Variants in UBE2E2 observed in about 807,000 individuals in gnomAD.
UBE2E2 encodes the protein ubiquitin conjugating enzyme E2 E2.
UBE2E2 carries 6 observed loss-of-function variants against 24.7 expected under a neutral mutation model. The ratio of observed to expected loss-of-function variants is 0.24; its 90% CI spans 0.13 to 0.48. The LOEUF (loss-of-function observed/expected upper bound fraction) is 0.48. Among genes scored for constraint, UBE2E2 ranks in the 20% least tolerant of loss-of-function variants. UBE2E2 has a pLI of 0.99. For missense variants in UBE2E2, 169 were observed against 245.0 expected (o/e 0.69, Z 2.07); for synonymous variants, 104 against 83.6 (o/e 1.24, Z -1.33).
intron 3 of UBE2E2, among the ~76,000 whole-genome samples, chr3:23,443,269 T>G (rs1698346245): frequency 6.6e-6 from 1 of 152,160 alleles, no homozygotes; most frequent in South Asian, 2.1e-4. Context: ...CTGTCTTAGC[T>G]CAGCTTCCCC....
intron 3 of UBE2E2, among the ~76,000 whole-genome samples, chr3:23,232,835 A>G (rs1363313519): frequency 6.6e-6 from 1 of 152,226 alleles, no homozygotes; most frequent in African/African-American, 2.4e-5. Flanking sequence ...TGTATAGGCA[A>G]AGGCACTATT....
intron 3 of UBE2E2, among the ~76,000 whole-genome samples, chr3:23,319,256 A>T (rs1336485818): frequency 2.6e-5 from 4 of 152,190 alleles, no homozygotes; most frequent in Non-Finnish European, 5.9e-5. Flanking sequence ...TTATTAATTT[A>T]TTCATTACTC....
intron 3 of UBE2E2, among the ~76,000 whole-genome samples, chr3:23,292,283 A>C (rs1397976864): frequency 6.6e-6 from 1 of 152,098 alleles, no homozygotes; most frequent in Non-Finnish European, 1.5e-5. Flanking sequence ...AGCTTAAGGG[A>C]CAACTCTATA....
intron 1 of UBE2E2, among the ~76,000 whole-genome samples, chr3:23,204,079 TCTC>T (rs1696055687): frequency 2.0e-5 from 3 of 152,040 alleles, no homozygotes; most frequent in Admixed American, 6.5e-5. Context: ...TCTGGTCTCT[TCTC>T]TGCAGCCCCC....
rs1474550052 is a variant in UBE2E2 at position 23,554,856 on chromosome 3, T to TA, written c.508+22162dup. Among the ~76,000 whole-genome samples, 4 of 151,434 alleles carry TA rather than the reference T, an allele frequency of 2.6e-5. No homozygotes were observed. The East Asian group carries it at 7.7e-4, about 29-fold the overall frequency. ...GGGGTTAATACCCAAAATTTATTTT[T>TA]AAAAAAACTCATACAGTTCAGTAGC... On this transcript the variant is annotated intron_variant, in intron 5 of 5. Coordinates refer to ENST00000396703, the MANE Select transcript of UBE2E2 (RefSeq NM_152653.4).
intron 3 of UBE2E2, among the ~76,000 whole-genome samples, chr3:23,219,435 T>C (rs1480431661): frequency 1.3e-5 from 2 of 152,216 alleles, no homozygotes; most frequent in Non-Finnish European, 2.9e-5. Context: ...CCCATCTGTA[T>C]TTCGGTGAAA....
intron 3 of UBE2E2, among the ~76,000 whole-genome samples, chr3:23,321,452 G>A (rs542378740): frequency 2.6e-5 from 4 of 151,964 alleles, no homozygotes; most frequent in African/African-American, 9.7e-5. Context: ...TTGCCTGGCT[G>A]CCGCTACTAC....
At chr3:23,389,525 G>A (rs1275520757) in intron 3 of UBE2E2, 2 of 178,800 alleles carry the variant, frequency 1.1e-5, no homozygotes, top group Non-Finnish European at 2.4e-5. Flanking sequence ...TTTCTCCAAA[G>A]TTCTCCGAAG....
chr3:23,312,415 A>C (rs1293569329), intron 3 of UBE2E2, among the ~76,000 whole-genome samples: 4 of 151,916 alleles, frequency 2.6e-5, no homozygotes, highest in African/African-American at 9.7e-5. Flanking sequence ...TCCTTCAGTT[A>C]TTTTTACATG....
intron 3 of UBE2E2, among the ~76,000 whole-genome samples, chr3:23,304,371 C>T (rs57131555): frequency 0.13 from 20,111 of 151,914 alleles, 1,394 homozygotes; most frequent in South Asian, 0.23. Context: ...TTAAAAATTA[C>T]TGGATTATAT....
At chr3:23,344,101 CTTTGA>C (rs1283792433) in intron 3 of UBE2E2, among the ~76,000 whole-genome samples, 2 of 152,048 alleles carry the variant, frequency 1.3e-5, no homozygotes, top group South Asian at 2.1e-4. Context: ...AAATTAGCTA[CTTTGA>C]TTTGATTTTT....
intron 4 of UBE2E2, among the ~76,000 whole-genome samples, chr3:23,503,529 T>G (rs1034870968): frequency 6.6e-6 from 1 of 152,038 alleles, no homozygotes; most frequent in Admixed American, 6.6e-5. Context: ...AGCTTTTAGA[T>G]TCATAGATAA....
intron 3 of UBE2E2, among the ~76,000 whole-genome samples, chr3:23,473,388 T>C (rs930567279): frequency 6.6e-6 from 1 of 152,108 alleles, no homozygotes; most frequent in Non-Finnish European, 1.5e-5. Context: ...CCAATCTACC[T>C]TTAATTTTTG....
rs1453236696 is a variant in UBE2E2 at position 23,332,674 on chromosome 3, G to GGGTGT, written c.227+115363_227+115364insGTGTG. 3.7e-5 allele frequency among the ~76,000 whole-genome samples: 4 copies of GGGTGT among 108,128 alleles called. No homozygotes were observed. In the South Asian group the frequency reaches 8.3e-4, roughly 23 times the overall value. 70.9% of individuals were successfully genotyped at this position (108,128 alleles called of 152,430 possible). ...CTTTGAGCTTCCTGGCAGCCAGTGGGGTGTGTGTGTGTGTGTGTGTGTGTG... is the reference window on the plus strand; with the variant it reads ...CTTTGAGCTTCCTGGCAGCCAGTGGGGGTGTGTGTGTGTGTGTGTGTGTGTGTGTG... On this transcript the variant is annotated intron_variant, in intron 3 of 5. Coordinates refer to ENST00000396703, the MANE Select transcript of UBE2E2 (RefSeq NM_152653.4).
chr3:23,474,794 T>C lies in UBE2E2; in HGVS notation c.228-24814T>C, dbSNP rs1699093518. Among the ~76,000 whole-genome samples the C allele has an allele frequency of 6.6e-6, 1 of 152,100 alleles. No individual in the cohort carries two copies. Among genetic ancestry groups the C allele is most frequent in the Admixed American group, 6.5e-5 (1 of 15,280 alleles). ...GGTGTCAGTGCTTCTGTCTGTGGTT[T>C]AATCCTCCTTCCTGTTTGGACATTT... is the stretch of plus-strand genomic sequence containing the variant. On this transcript the variant is annotated intron_variant, in intron 3 of 5. Transcript: ENST00000396703. The surrounding 1 kb of genome is among the most constrained non-coding windows in gnomAD (Gnocchi z 4.0).
chr3:23,353,583 A>G (rs1695832256), intron 3 of UBE2E2, among the ~76,000 whole-genome samples: 1 of 152,234 alleles, frequency 6.6e-6, no homozygotes, highest in Non-Finnish European at 1.5e-5. Context: ...GCATTCTTAT[A>G]CACCAATAGC....
At chr3:23,574,981 C>T (rs1422195863) in intron 5 of UBE2E2, among the ~76,000 whole-genome samples, 2 of 152,136 alleles carry the variant, frequency 1.3e-5, no homozygotes, top group African/African-American at 2.4e-5. Flanking sequence ...AAAGGAAATG[C>T]GCATTGGAGC....
chr3:23,489,623 A>G (rs1048044965), intron 3 of UBE2E2, among the ~76,000 whole-genome samples: 1 of 152,232 alleles, frequency 6.6e-6, no homozygotes, highest in Non-Finnish European at 1.5e-5. Context: ...CCTGGTAACA[A>G]CAATAGTTTC....
At chr3:23,237,377 T>C (rs1277419959) in intron 3 of UBE2E2, among the ~76,000 whole-genome samples, 1 of 152,226 alleles carries the variant, frequency 6.6e-6, no homozygotes, top group Non-Finnish European at 1.5e-5. Context: ...CTGCATGTCT[T>C]ATTTTTCTCT....
Sources: allele counts gnomAD v4.1 joint callset (sites outside exome capture counted in the v4.1 genomes callset), GRCh38; gene constraint gnomAD v4.1.1; non-coding constraint Gnocchi (gnomAD v3.1); transcripts MANE v1.5; gene names NCBI Gene and HGNC (gene_info 2026-07-23, HGNC 2026-07-21).